Variants in DST observed in about 807,000 individuals in gnomAD.
DST encodes bullous pemphigoid antigen.
Under a neutral mutation model 875.2 loss-of-function variants are expected in DST, and 253 were observed. The ratio of observed to expected loss-of-function variants is 0.29; its 90% CI spans 0.26 to 0.32. The LOEUF (loss-of-function observed/expected upper bound fraction) is 0.32, where lower values mean the gene tolerates loss of function less well. Ranked by LOEUF, DST falls within the 10% of genes least tolerant of loss-of-function variation. The pLI is 1.00. For synonymous variants in DST, 3,124 were observed against 3,197.1 expected (o/e 0.98, Z 0.77); for missense variants, 8,287 against 9,111.6 (o/e 0.91, Z 3.68).
At position 56,860,691 on chromosome 6, in the gene DST, A is replaced by G. The variant is rs370665780; in HGVS notation, c.418-9087T>C. Among the ~76,000 whole-genome samples the G allele has an allele frequency of 3.3e-5, 5 of 152,326 alleles. No homozygotes were observed. In the East Asian group the frequency reaches 5.8e-4, roughly 18 times the overall value. On this transcript the variant is annotated intron_variant, in intron 3 of 103. Coordinates refer to ENST00000680361, the MANE Select transcript of DST (RefSeq NM_001374736.1). ...TTTTAGCTATTAGGTGATGTTGTCT[A>G]TTCACACTTGTTTGATCCAGGGGTA...
intron 55 of DST, among the ~76,000 whole-genome samples, chr6:56,563,510 A>C (rs1375230928): frequency 6.6e-6 from 1 of 151,980 alleles, no homozygotes. Context: ...TAGGTTGCAA[A>C]ATTTGTCTCC....
At chr6:56,821,351 T>C (rs1039760486) in intron 4 of DST, among the ~76,000 whole-genome samples, 7 of 152,202 alleles carry the variant, frequency 4.6e-5, no homozygotes, top group African/African-American at 1.7e-4. Flanking sequence ...CAGCACAGAA[T>C]GAAGCTTGCA....
intron 4 of DST, among the ~76,000 whole-genome samples, chr6:56,794,738 A>G (rs2099736761): frequency 6.6e-6 from 1 of 152,208 alleles, no homozygotes; most frequent in Non-Finnish European, 1.5e-5. Flanking sequence ...GCATGACAAG[A>G]GACATAAATG....
intron 3 of DST, among the ~76,000 whole-genome samples, chr6:56,879,311 A>G (rs567461805): frequency 4.2e-4 from 64 of 152,152 alleles, no homozygotes; most frequent in African/African-American, 1.5e-3. Flanking sequence ...CTACTAAAAA[A>G]TACAAAAAAA....
intron 36 of DST, chr6:56,620,323 A>T: frequency 6.2e-7 from 1 of 1,614,074 alleles, no homozygotes; most frequent in East Asian, 2.2e-5. Context: ...GATTGCGAAA[A>T]TTCAGGAGGT....
chr6:56,483,527 C>CTTTTTTTTTTTTT lies in DST; in HGVS notation c.21208-663_21208-651dup, dbSNP rs138042978. ...CTTAGAGGAAAAGCTTCTGGGTTTG[C>CTTTTTTTTTTTTT]TTTTTTTTTTTTTTTTTTTTTTTTT... On this transcript the variant is annotated intron_variant, in intron 88 of 103. Coordinates refer to ENST00000680361, the MANE Select transcript of DST (RefSeq NM_001374736.1). 7 of 60,040 alleles carry CTTTTTTTTTTTTT rather than the reference C, an allele frequency of 1.2e-4. 1 individual carries two copies. Among genetic ancestry groups the CTTTTTTTTTTTTT allele is most frequent in the African/African-American group, 3.8e-4 (5 of 13,196 alleles). 3.7% of individuals were successfully genotyped at this position (60,040 alleles called of 1,614,324 possible).
At chr6:56,811,325 G>C (rs2099759714) in intron 4 of DST, among the ~76,000 whole-genome samples, 1 of 152,106 alleles carries the variant, frequency 6.6e-6, no homozygotes, top group African/African-American at 2.4e-5. Context: ...TGACACCAGG[G>C]AGGGATCCAG....
intron 89 of DST, 89 bp from the exon 90 acceptor site, chr6:56,482,267 C>T: frequency 7.2e-7 from 1 of 1,388,324 alleles, no homozygotes; most frequent in Non-Finnish European, 9.5e-7. Flanking sequence ...GGATTCATCC[C>T]TTCAATGAAA....
chr6:56,778,481 C>T (rs1230669650), intron 4 of DST, among the ~76,000 whole-genome samples: 1 of 150,978 alleles, frequency 6.6e-6, no homozygotes, highest in Non-Finnish European at 1.5e-5. Context: ...ATGCTGCACC[C>T]AGTAACTCAT....
chr6:56,948,894 A>G (rs1820987841), intron 2 of DST, among the ~76,000 whole-genome samples: 1 of 152,224 alleles, frequency 6.6e-6, no homozygotes, highest in Non-Finnish European at 1.5e-5. Context: ...TGTAGTAGAT[A>G]CTTGGCCTAT....
chr6:56,708,204 GT>G (rs967937247), intron 5 of DST, among the ~76,000 whole-genome samples: 3 of 151,700 alleles, frequency 2.0e-5, no homozygotes, highest in South Asian at 2.1e-4. Flanking sequence ...AGGCTTCAGG[GT>G]TTTTTTTATC....
Position 56,470,203 on chromosome 6 carries a change from A to G in DST, c.22401T>C (p.Tyr7467=). The G allele has an allele frequency of 6.2e-7, 1 of 1,612,246 alleles. No homozygotes were observed. The highest frequency in any genetic ancestry group is 2.2e-5 in the East Asian group (1 of 44,848). ...DRDGDGYIDY[Y]EFVAALHPNK... is the part of the protein sequence containing the mutation. Reference sequence around the variant, plus strand: ...TTGGGTGAAGGGCTGCTACAAATTCATAGTAGTCAATATATCCATCGCCAT... The same window carrying G: ...TTGGGTGAAGGGCTGCTACAAATTCGTAGTAGTCAATATATCCATCGCCAT... The change falls in exon 96 of 104, where the codon TAT becomes TAC. Residue 7467 remains tyrosine, a synonymous_variant. Coordinates refer to ENST00000680361, the MANE Select transcript of DST (RefSeq NM_001374736.1).
chr6:56,698,328 AAT>A (rs1491524185), intron 9 of DST, among the ~76,000 whole-genome samples: 3 of 151,128 alleles, frequency 2.0e-5, no homozygotes, highest in African/African-American at 4.9e-5. Flanking sequence ...AAAAAAAAAA[AAT>A]TTTTTTTTTT....
chr6:56,786,238 T>C (rs1430728943), intron 4 of DST, among the ~76,000 whole-genome samples: 6 of 152,216 alleles, frequency 3.9e-5, no homozygotes, highest in Non-Finnish European at 2.9e-5. Flanking sequence ...TCTTGAATTG[T>C]TACAAAATGT....
intron 55 of DST, among the ~76,000 whole-genome samples, chr6:56,567,429 T>TA (rs61119609): frequency 0.41 from 42,968 of 104,634 alleles, 7,813 homozygotes; most frequent in Middle Eastern, 0.52. Context: ...TTACCAAGAG[T>TA]AAAAAAAAAA....
intron 4 of DST, among the ~76,000 whole-genome samples, chr6:56,781,917 C>G (rs200789018): frequency 1.3e-5 from 2 of 152,086 alleles, no homozygotes; most frequent in African/African-American, 2.4e-5. Context: ...AATTTATTGA[C>G]AGTTTTTAGC....
chr6:56,613,335 A>T (rs949587696), intron 37 of DST, among the ~76,000 whole-genome samples: 4 of 152,190 alleles, frequency 2.6e-5, no homozygotes, highest in African/African-American at 9.7e-5. Context: ...CAACTTTTCA[A>T]GTATATACTC....
chr6:56,748,828 G>A (rs1482778022), intron 4 of DST, among the ~76,000 whole-genome samples: 1 of 152,144 alleles, frequency 6.6e-6, no homozygotes, highest in Non-Finnish European at 1.5e-5. Context: ...AGAGGTAAGG[G>A]TGAATCAAAC....
At chr6:56,909,423 G>A (rs1219758539) in intron 2 of DST, among the ~76,000 whole-genome samples, 2 of 152,008 alleles carry the variant, frequency 1.3e-5, no homozygotes, top group South Asian at 2.1e-4. Context: ...CTCCTCTTTT[G>A]GCCAGCATGA....
Sources: allele counts gnomAD v4.1 joint callset (sites outside exome capture counted in the v4.1 genomes callset), GRCh38; gene constraint gnomAD v4.1.1; transcripts MANE v1.5; gene names NCBI Gene and HGNC (gene_info 2026-07-23, HGNC 2026-07-21).